The following PRKCZ variants were observed in gnomAD, a reference collection of about 807,000 sequenced individuals.
PRKCZ encodes protein kinase C zeta.
PRKCZ carries 33 observed loss-of-function variants against 79.5 expected under a neutral mutation model. That is an observed-to-expected ratio of 0.41 (90% confidence interval 0.31 to 0.55). The LOEUF (loss-of-function observed/expected upper bound fraction) is 0.55. PRKCZ is among the 20% of genes least tolerant of loss of function. The probability of loss-of-function intolerance (pLI) is 0.19; values close to 1 mark genes in which losing one functional copy is unlikely to be tolerated. For missense variants in PRKCZ, 578 were observed against 813.5 expected, an observed-to-expected ratio of 0.71 and a Z score of 3.52; for synonymous variants, 342 against 320.9, an observed-to-expected ratio of 1.07 and a Z score of -0.70.
At chr1:2,136,379 C>T (rs1676203436) in intron 5 of PRKCZ, among the ~76,000 whole-genome samples, 1 of 152,164 alleles carries the variant, frequency 6.6e-6, no homozygotes, top group Non-Finnish European at 1.5e-5. Flanking sequence ...GTGGTGGGAA[C>T]TAGGCTCCAG....
chr1:2,075,763 C>T lies in PRKCZ; in HGVS notation c.334+16172C>T, dbSNP rs1662286308. On this transcript the variant is annotated intron_variant, in intron 4 of 17. Transcript: ENST00000378567. The surrounding 1 kb of genome is among the most constrained non-coding windows in gnomAD (Gnocchi z 4.8). ...GAGCCCAGCCCATCCACACTGGGTG[C>T]CCCAGACCTTCCACGGGGTCTGGTG... Among the ~76,000 whole-genome samples the T allele has an allele frequency of 6.6e-6, 1 of 152,236 alleles. No homozygotes were observed. Among genetic ancestry groups the T allele is most frequent in the Admixed American group, 6.5e-5 (1 of 15,280 alleles).
chr1:2,089,626 C>T (rs888005948), intron 4 of PRKCZ, among the ~76,000 whole-genome samples: 2 of 152,130 alleles, frequency 1.3e-5, no homozygotes, highest in Non-Finnish European at 2.9e-5. Flanking sequence ...AATCCCATTC[C>T]GGAAGGCCAC....
At chr1:2,060,814 C>T (rs1472497461) in intron 4 of PRKCZ, among the ~76,000 whole-genome samples, 1 of 152,100 alleles carries the variant, frequency 6.6e-6, no homozygotes, top group Non-Finnish European at 1.5e-5. Context: ...TGTGAGGAGG[C>T]AGGGGGCGGG....
intron 4 of PRKCZ, among the ~76,000 whole-genome samples, chr1:2,069,861 G>T (rs568850127): frequency 1.8e-4 from 28 of 152,314 alleles, no homozygotes; most frequent in African/African-American, 6.3e-4. Flanking sequence ...CTCCTAAGTG[G>T]GTAGCCTCAG....
chr1:2,084,904 G>A (rs2678949), intron 4 of PRKCZ, among the ~76,000 whole-genome samples: 66,054 of 151,856 alleles, frequency 0.43, 16,337 homozygotes, highest in East Asian at 0.83. Flanking sequence ...GCTCCTCGGG[G>A]AGGCTGAGGT....
At chr1:2,088,509 G>A (rs777082924) in intron 4 of PRKCZ, among the ~76,000 whole-genome samples, 1 of 152,226 alleles carries the variant, frequency 6.6e-6, no homozygotes, top group Non-Finnish European at 1.5e-5. Context: ...GAAGACGGCT[G>A]TGGCGAGTGA....
chr1:2,083,654 A>G (rs895246676), intron 4 of PRKCZ, among the ~76,000 whole-genome samples: 3 of 152,112 alleles, frequency 2.0e-5, no homozygotes, highest in Admixed American at 1.3e-4. Context: ...ATTGTGAGGA[A>G]ATCCAGTGTG....
rs1019283536 is a variant in PRKCZ at position 2,154,256 on chromosome 1, C to T, written c.877-1739C>T. On this transcript the variant is annotated intron_variant, in intron 9 of 17. Coordinates refer to ENST00000378567, the MANE Select transcript of PRKCZ (RefSeq NM_002744.6). ...TGTGGCCTGGGGTGGCGTGAGATAC[C>T]CGGGTGCACATGTTGAGCAGCCGTC... Among the ~76,000 whole-genome samples, 8 of 151,992 alleles carry T rather than the reference C, an allele frequency of 5.3e-5. No homozygotes were observed. The East Asian group carries it at 1.5e-3, about 29-fold the overall frequency.
At chr1:2,133,410 G>C (rs571544759) in intron 4 of PRKCZ, among the ~76,000 whole-genome samples, 6 of 144,910 alleles carry the variant, frequency 4.1e-5, no homozygotes, top group African/African-American at 1.6e-4. Context: ...CCCCAGCTGC[G>C]CGTCCGTTCC....
At chr1:2,146,263 G>GCT (rs1678497442) in intron 7 of PRKCZ, among the ~76,000 whole-genome samples, 155 bp downstream of exon 7, 1 of 152,198 alleles carries the variant, frequency 6.6e-6, no homozygotes, top group South Asian at 2.1e-4. Flanking sequence ...TGGGGATGAG[G>GCT]CTCTCCAGGG....
At chr1:2,171,694 G>A (rs1048652054) in intron 11 of PRKCZ, 9 of 201,638 alleles carry the variant, frequency 4.5e-5, no homozygotes, top group South Asian at 2.1e-4. Flanking sequence ...AGGACCTGCC[G>A]GACTGTCTTC....
chr1:2,075,584 A>G lies in PRKCZ; in HGVS notation c.334+15993A>G, dbSNP rs1035262025. On this transcript the variant is annotated intron_variant, in intron 4 of 17. Transcript: ENST00000378567. The surrounding 1 kb of genome is among the most constrained non-coding windows in gnomAD (Gnocchi z 4.8). The stretch of plus-strand genomic sequence containing the variant: ...GACCGTCTTCCTAGACTTCAGAGCC[A>G]CTGGTGGTTATGTAAGGAGTTGTGT... Among the ~76,000 whole-genome samples the G allele has an allele frequency of 6.6e-6, 1 of 152,098 alleles. No individual in the cohort carries two copies. The highest frequency in any genetic ancestry group is 2.4e-5 in the African/African-American group (1 of 41,412).
At chr1:2,062,093 C>T (rs1333679974) in intron 4 of PRKCZ, among the ~76,000 whole-genome samples, 1 of 151,922 alleles carries the variant, frequency 6.6e-6, no homozygotes, top group Non-Finnish European at 1.5e-5. Flanking sequence ...CCTGTCTCAC[C>T]GTCAGCAGAG....
rs929583101 is a variant in PRKCZ at position 2,125,338 on chromosome 1, T to C, written c.335-9924T>C. Among the ~76,000 whole-genome samples the C allele has an allele frequency of 5.3e-5, 8 of 152,264 alleles. No individual in the cohort carries two copies. The highest frequency in any genetic ancestry group is 1.9e-4 in the African/African-American group (8 of 41,468). On this transcript the variant is annotated intron_variant, in intron 4 of 17. Coordinates refer to ENST00000378567, the MANE Select transcript of PRKCZ (RefSeq NM_002744.6). This position sits in a 1 kb window ranked among gnomAD's most constrained non-coding sequence, Gnocchi z 4.2. ...ATTTCATAAAATCTTGATTTTGTAT[T>C]ACAACAAATTAGGATATTTTCAGTA... is the stretch of plus-strand genomic sequence containing the variant.
chr1:2,169,262 C>T (rs752080622), intron 10 of PRKCZ: 9 of 530,454 alleles, frequency 1.7e-5, no homozygotes, highest in Non-Finnish European at 3.3e-5. Flanking sequence ...TTCCCAAGTC[C>T]ACACACAGTG....
At position 2,144,359 on chromosome 1, in the gene PRKCZ, G is replaced by A. The variant is rs1310049936; in HGVS notation, c.552+18G>A. The A allele has an allele frequency of 6.4e-7, 1 of 1,561,302 alleles. No homozygotes were observed. The highest frequency in any genetic ancestry group is 8.7e-7 in the Non-Finnish European group (1 of 1,151,914). ...AGCATATGGTGAGTGGCAGGGCTGG[G>A]GAGGCCCGGGGGGCACGGGCGGGGT... is the stretch of plus-strand genomic sequence containing the variant. On this transcript the variant is annotated intron_variant, in intron 6 of 17. Transcript: ENST00000378567.
At chr1:2,088,323 C>T (rs1045623281) in intron 4 of PRKCZ, among the ~76,000 whole-genome samples, 4 of 152,172 alleles carry the variant, frequency 2.6e-5, no homozygotes, top group South Asian at 2.1e-4. Context: ...CCCCTCCCTC[C>T]GCCTCCCTGT....
intron 4 of PRKCZ, among the ~76,000 whole-genome samples, chr1:2,100,625 C>T (rs926780908): frequency 6.6e-6 from 1 of 152,182 alleles, no homozygotes; most frequent in African/African-American, 2.4e-5. Flanking sequence ...CGAGCGGGGC[C>T]TCGGGGAGCA....
intron 10 of PRKCZ, among the ~76,000 whole-genome samples, chr1:2,164,200 G>T (rs1682887178): frequency 6.6e-6 from 1 of 152,212 alleles, no homozygotes; most frequent in African/African-American, 2.4e-5. Flanking sequence ...TACTGCTCCA[G>T]TGATCAAGGG....
Sources: gnomAD v4.1 joint callset for allele counts (sites outside exome capture counted in the v4.1 genomes callset) on GRCh38, gnomAD v4.1.1 for gene constraint, Gnocchi (gnomAD v3.1) non-coding constraint, MANE v1.5 for transcripts, NCBI Gene and HGNC (gene_info 2026-07-23, HGNC 2026-07-21) for gene names.